Variants in PREP observed in about 807,000 individuals in gnomAD.
PREP encodes dJ355L5.1 (prolyl endopeptidase).
A neutral mutation model predicts 87.6 loss-of-function variants in PREP; 29 were observed. The observed-to-expected ratio is 0.33, with a 90% CI of 0.25 to 0.45. The LOEUF is 0.45. Among genes scored for constraint, PREP ranks in the 20% least tolerant of loss-of-function variants. PREP has a pLI of 1.00. For synonymous variants in PREP, 337 were observed against 328.6 expected (o/e 1.03, Z -0.28); for missense variants, 695 against 886.5 (o/e 0.78, Z 2.74).
rs367901614 is a variant in PREP, at chr6:105,367,265, G to C, written c.717+1638C>G. 6.4e-4 allele frequency among the ~76,000 whole-genome samples: 98 copies of C among 152,218 alleles called. 2 individuals are homozygous for C. In the South Asian group the frequency reaches 0.01, roughly 16 times the overall value. On this transcript the variant is annotated intron_variant, in intron 6 of 14. Transcript: ENST00000652536. The stretch of plus-strand genomic sequence containing the variant: ...TGGTACGCAGAAGCCTTATGTATGA[G>C]GAGAAGATGTAGTAGATAGAAAACT...
chr6:105,374,215 C>T lies in PREP; in HGVS notation c.386-637G>A, dbSNP rs184803190. ...AAAGGAAAAGCAACATGTCTATAGA[C>T]TGTCGTGCCATGTACAGTCCTTTAG... On this transcript the variant is annotated intron_variant, in intron 4 of 14. Coordinates refer to ENST00000652536, the MANE Select transcript of PREP (RefSeq NM_002726.5). 2.6e-5 allele frequency among the ~76,000 whole-genome samples: 4 copies of T among 152,316 alleles called. No homozygotes were observed. In the East Asian group the frequency reaches 5.8e-4, roughly 22 times the overall value.
intron 10 of PREP, among the ~76,000 whole-genome samples, chr6:105,313,689 T>C (rs1770804742): frequency 6.6e-6 from 1 of 152,158 alleles, no homozygotes; most frequent in African/African-American, 2.4e-5. Flanking sequence ...GAAGTGGCCA[T>C]CCAGACTCAC....
intron 7 of PREP, among the ~76,000 whole-genome samples, chr6:105,342,518 G>A (rs1048723085): frequency 6.6e-6 from 1 of 152,174 alleles, no homozygotes; most frequent in African/African-American, 2.4e-5. Flanking sequence ...ACATAGTGTT[G>A]GAAGTTCTGG....
intron 4 of PREP, 96 bp downstream of exon 4, chr6:105,376,029 C>A: frequency 7.0e-7 from 1 of 1,435,600 alleles, no homozygotes; most frequent in Non-Finnish European, 9.4e-7. Context: ...TGGTCCACAC[C>A]CTGCCTGGCA....
intron 10 of PREP, among the ~76,000 whole-genome samples, chr6:105,297,763 T>C (rs1233637640): frequency 6.6e-6 from 1 of 152,234 alleles, no homozygotes; most frequent in Admixed American, 6.5e-5. Flanking sequence ...TTCCTTCTTC[T>C]TGTCAACAGC....
intron 7 of PREP, among the ~76,000 whole-genome samples, chr6:105,336,650 T>C (rs1057094552): frequency 6.6e-6 from 1 of 152,234 alleles, no homozygotes; most frequent in African/African-American, 2.4e-5. Flanking sequence ...AGCATTCTCA[T>C]GGTAGTATCT....
intron 8 of PREP, among the ~76,000 whole-genome samples, chr6:105,330,146 G>A (rs1771286858): frequency 6.6e-6 from 1 of 152,222 alleles, no homozygotes; most frequent in South Asian, 2.1e-4. Context: ...CATCCAGTGA[G>A]CCAGGTAGAG....
At chr6:105,355,015 T>C (rs1362986977) in intron 6 of PREP, among the ~76,000 whole-genome samples, 1 of 151,662 alleles carries the variant, frequency 6.6e-6, no homozygotes, top group Non-Finnish European at 1.5e-5. Flanking sequence ...TGGAATTATG[T>C]AGTATATTAT....
chr6:105,303,063 C>G, intron 10 of PREP, among the ~76,000 whole-genome samples: 1 of 152,092 alleles, frequency 6.6e-6, no homozygotes, highest in Admixed American at 6.5e-5. Context: ...CTAAGTCACT[C>G]TACTATTCAA....
chr6:105,370,171 G>C (rs1325012035), intron 5 of PREP, among the ~76,000 whole-genome samples: 1 of 151,524 alleles, frequency 6.6e-6, no homozygotes, highest in Non-Finnish European at 1.5e-5. Flanking sequence ...AGAATTGCTT[G>C]AACCCGGGAC....
intron 7 of PREP, among the ~76,000 whole-genome samples, chr6:105,347,919 C>T (rs1459895442): frequency 6.6e-6 from 1 of 152,024 alleles, no homozygotes; most frequent in African/African-American, 2.4e-5. Context: ...TATATACATA[C>T]TTCAAAATAA....
intron 10 of PREP, among the ~76,000 whole-genome samples, chr6:105,296,130 T>G (rs1187983384): frequency 6.6e-6 from 1 of 152,216 alleles, no homozygotes; most frequent in Non-Finnish European, 1.5e-5. Context: ...TGTCCATGCC[T>G]CATCAGCAGT....
At chr6:105,357,879 C>T (rs1331999117) in intron 6 of PREP, among the ~76,000 whole-genome samples, 3 of 149,678 alleles carry the variant, frequency 2.0e-5, no homozygotes, top group Non-Finnish European at 3.0e-5. Flanking sequence ...ATTAGGCCTT[C>T]GTGGAACAGT....
chr6:105,307,553 T>C (rs1047862045), intron 10 of PREP, among the ~76,000 whole-genome samples: 5 of 152,118 alleles, frequency 3.3e-5, no homozygotes, highest in Admixed American at 6.5e-5. Flanking sequence ...CACCAGTGCA[T>C]AGTGCTTAAT....
chr6:105,333,678 G>C lies in PREP; in HGVS notation c.824-173C>G, dbSNP rs148502295. 3.3e-5 allele frequency among the ~76,000 whole-genome samples: 5 copies of C among 152,250 alleles called. No individual in the cohort carries two copies. The East Asian group carries it at 9.7e-4, about 29-fold the overall frequency. ...ACCAGTTGTGAGTAAATTGAAAAATGCTAAGGAGCCCCTGAAAAACCCAGC... is the reference window on the plus strand; with the variant it reads ...ACCAGTTGTGAGTAAATTGAAAAATCCTAAGGAGCCCCTGAAAAACCCAGC... On this transcript the variant is annotated intron_variant, in intron 7 of 14. Coordinates refer to ENST00000652536, the MANE Select transcript of PREP (RefSeq NM_002726.5).
rs114234860 is a variant in PREP at position 105,380,764 on chromosome 6, C to T, written c.121-3245G>A. On this transcript the variant is annotated intron_variant, in intron 2 of 14. Coordinates refer to ENST00000652536, the MANE Select transcript of PREP (RefSeq NM_002726.5). Reference sequence around the variant, plus strand: ...GTCTTGGCTGGCTCCTGCACTTCCACGGAGGGATTCTCTAAGGAGGGTACC... The same window carrying T: ...GTCTTGGCTGGCTCCTGCACTTCCATGGAGGGATTCTCTAAGGAGGGTACC... Among the ~76,000 whole-genome samples, 1,232 of 152,220 alleles carry T rather than the reference C, an allele frequency of 8.1e-3. 11 individuals are homozygous for T. Among genetic ancestry groups the T allele is most frequent in the African/African-American group, 0.028 (1,179 of 41,512 alleles).
In PREP at chr6:105,370,263, G is replaced by A. The variant is rs182791591; in HGVS notation, c.596-1239C>T. Among the ~76,000 whole-genome samples the A allele has an allele frequency of 2.9e-4, 42 of 145,346 alleles. 1 individual carries two copies. The highest frequency in any genetic ancestry group is 4.6e-4 in the Non-Finnish European group (31 of 66,856). On this transcript the variant is annotated intron_variant, in intron 5 of 14. Transcript: ENST00000652536. ...AATACAAAAAAAAAATTAGCTGGGC[G>A]TGGCGCTAACTAGTCCCAGACAGAG...
chr6:105,286,380 G>A (rs1360207823), intron 11 of PREP, among the ~76,000 whole-genome samples: 3 of 152,164 alleles, frequency 2.0e-5, no homozygotes, highest in African/African-American at 7.2e-5. Flanking sequence ...GTGTGCAAGA[G>A]GTAAAGGAGA....
rs368161577 is a variant in PREP at position 105,352,976 on chromosome 6, G to A, written c.819C>T (p.Ile273=). Residue 273 remains isoleucine, a synonymous_variant, in exon 7 of 15, where the codon ATC becomes ATT. Coordinates refer to ENST00000652536, the MANE Select transcript of PREP (RefSeq NM_002726.5). The part of the protein sequence containing the change: ...YCDLQQESSG[I]AGILKWVKLI... ...GTGTCTGAAAAAATAACTCACCCGC[G>A]ATGCCACTGGATTCCTGCTGTAGGT... 2.8e-5 allele frequency: 45 copies of A among 1,610,964 alleles called. No individual in the cohort carries two copies. Among genetic ancestry groups the A allele is most frequent in the East Asian group, 6.7e-5 (3 of 44,874 alleles).
Sources: allele counts gnomAD v4.1 joint callset (sites outside exome capture counted in the v4.1 genomes callset), GRCh38; gene constraint gnomAD v4.1.1; transcripts MANE v1.5; gene names NCBI Gene and HGNC (gene_info 2026-07-23, HGNC 2026-07-21).